PRKX: variants seen among roughly 807,000 people sequenced by gnomAD.
The protein encoded by PRKX is cAMP-dependent protein kinase catalytic subunit PRKX.
Under a neutral mutation model 22.0 loss-of-function variants are expected in PRKX, and 12 were observed. The observed-to-expected ratio is 0.54, with a 90% CI of 0.35 to 0.88. The LOEUF (loss-of-function observed/expected upper bound fraction) is 0.88. PRKX is among the 40% of genes least tolerant of loss of function. The pLI is 0.01. For synonymous variants in PRKX, 134 were observed against 137.7 expected (o/e 0.97, Z 0.19); for missense variants, 217 against 308.0 (o/e 0.70, Z 2.21).
At chrX:3,638,431 C>G (rs751825381) in intron 4 of PRKX, among the ~76,000 whole-genome samples, 43 of 111,745 alleles carry the variant, frequency 3.8e-4, no homozygotes, top group Admixed American at 1.3e-3. Flanking sequence ...AACCATTAGA[C>G]TACAGGATAC....
chrX:3,670,632 G>A (rs1249884998), intron 2 of PRKX, among the ~76,000 whole-genome samples: 1 of 110,032 alleles, frequency 9.1e-6, no homozygotes, highest in African/African-American at 3.3e-5. Flanking sequence ...TGCAATCTCC[G>A]CCTCCCAGGA....
chrX:3,709,136 A>C (rs1263625193), intron 1 of PRKX, among the ~76,000 whole-genome samples: 2 of 98,746 alleles, frequency 2.0e-5, no homozygotes, highest in Non-Finnish European at 4.0e-5. Flanking sequence ...GTGAGCCGAG[A>C]TCGCACCACT....
intron 2 of PRKX, 130 bp downstream of exon 2, chrX:3,674,468 C>T (rs1160289683): frequency 1.6e-6 from 1 of 622,314 alleles, no homozygotes; most frequent in Non-Finnish European, 2.5e-6. Context: ...TAAGACCTGA[C>T]AGGTGGAGAC....
intron 2 of PRKX, among the ~76,000 whole-genome samples, chrX:3,668,366 T>G (rs1281423799): frequency 9.0e-6 from 1 of 110,557 alleles, no homozygotes; most frequent in Non-Finnish European, 1.9e-5. Context: ...GATTTTTGCC[T>G]TTAAAATTCA....
intron 4 of PRKX, among the ~76,000 whole-genome samples, chrX:3,632,151 A>G (rs1179498333): frequency 4.5e-5 from 5 of 112,118 alleles, no homozygotes; most frequent in South Asian, 7.5e-4. Flanking sequence ...GCCCTAACAC[A>G]GCATTTCTTC....
chrX:3,712,742 G>A (rs1437940943), intron 1 of PRKX, among the ~76,000 whole-genome samples: 2 of 112,784 alleles, frequency 1.8e-5, no homozygotes, highest in African/African-American at 6.4e-5. Context: ...GGAGCACGAG[G>A]TCCCCCAGGC....
intron 4 of PRKX, among the ~76,000 whole-genome samples, chrX:3,632,427 G>C (rs749343223): frequency 9.0e-6 from 1 of 111,180 alleles, no homozygotes; most frequent in South Asian, 3.8e-4. Context: ...AGTTGGGGGA[G>C]TTGTATTCCT....
chrX:3,630,614 TG>T (rs1337666097), intron 4 of PRKX, among the ~76,000 whole-genome samples: 3 of 111,635 alleles, frequency 2.7e-5, no homozygotes, highest in Non-Finnish European at 3.8e-5. Flanking sequence ...TCCGCATGGC[TG>T]GGGAGGCCTC....
intron 4 of PRKX, among the ~76,000 whole-genome samples, chrX:3,638,852 T>C (rs1178220280): frequency 9.4e-6 from 1 of 106,004 alleles, no homozygotes; most frequent in Non-Finnish European, 1.9e-5. Flanking sequence ...AGATGATAAA[T>C]AGATGGATAG....
chrX:3,694,161 T>C (rs7892046), intron 1 of PRKX, among the ~76,000 whole-genome samples: 45,295 of 106,464 alleles, frequency 0.43, 7,847 homozygotes, highest in African/African-American at 0.59. Context: ...CCAAGGCGGG[T>C]GGATCACCTG....
chrX:3,617,546 G>A (rs1171449074), intron 6 of PRKX, among the ~76,000 whole-genome samples: 1 of 110,560 alleles, frequency 9.0e-6, no homozygotes, highest in Non-Finnish European at 1.9e-5. Context: ...CTCGGGAGGC[G>A]GAGGTGGGAG....
At chrX:3,646,153 G>A (rs191531153) in intron 3 of PRKX, among the ~76,000 whole-genome samples, 2 of 110,424 alleles carry the variant, frequency 1.8e-5, no homozygotes, top group Admixed American at 9.7e-5. Context: ...TCAGCTGGGC[G>A]CGGTGGCAGG....
At chrX:3,634,756 C>A (rs1335579470) in intron 4 of PRKX, among the ~76,000 whole-genome samples, 2 of 111,875 alleles carry the variant, frequency 1.8e-5, no homozygotes, top group African/African-American at 6.5e-5. Flanking sequence ...AGTGACGAGA[C>A]CACAGCTCAC....
intron 2 of PRKX, among the ~76,000 whole-genome samples, chrX:3,673,958 G>A (rs188503058): frequency 1.6e-4 from 18 of 111,233 alleles, no homozygotes; most frequent in South Asian, 1.6e-3. Flanking sequence ...GCGGGTCCTC[G>A]CCAGACACTG....
intron 6 of PRKX, among the ~76,000 whole-genome samples, chrX:3,620,074 G>A (rs954335819): frequency 1.8e-5 from 2 of 111,651 alleles, no homozygotes; most frequent in African/African-American, 6.5e-5. Flanking sequence ...AAAGTTTGTG[G>A]AAATCATACC....
At chrX:3,667,614 A>G (rs1569055562) in intron 2 of PRKX, 1 of 108,900 alleles carries the variant, frequency 9.2e-6, no homozygotes, top group East Asian at 2.9e-4. Context: ...ATTGGAATGC[A>G]CTCTCTCTCC....
Position 3,606,451 on chromosome X carries a change from TTACTG to T in PRKX, c.*2513_*2517del, listed in dbSNP as rs1403374070. 2 of 111,876 alleles carry T rather than the reference TTACTG, an allele frequency of 1.8e-5. No homozygotes were observed. The highest frequency in any genetic ancestry group is 6.5e-5 in the African/African-American group (2 of 30,755). 9.2% of individuals were successfully genotyped at this position (111,876 alleles called of 1,213,427 possible). ...TGGAGTGCAGTGGCACGATCTCGGC[TTACTG>T]CAGCCTCTGCCTCCCGGGTTCAAGC... On this transcript the variant is annotated 3_prime_UTR_variant, in exon 9 of 9. Coordinates refer to ENST00000262848, the MANE Select transcript of PRKX (RefSeq NM_005044.5).
At position 3,664,019 on chromosome X, in the gene PRKX, G is replaced by A. The variant is rs748740889; in HGVS notation, c.336-8607C>T. Among the ~76,000 whole-genome samples, 4 of 111,730 alleles carry A rather than the reference G, an allele frequency of 3.6e-5. No individual in the cohort carries two copies. The East Asian group carries it at 1.1e-3, about 32-fold the overall frequency. On this transcript the variant is annotated intron_variant, in intron 2 of 8. Transcript: ENST00000262848. ...TTCCCACTGTGGGGTCCAAGGAAAC[G>A]TCACCAGGAAGTACATGCCCACAGG...
intron 2 of PRKX, among the ~76,000 whole-genome samples, chrX:3,665,169 C>T (rs142082714): frequency 1.9e-3 from 212 of 111,310 alleles, no homozygotes; most frequent in African/African-American, 6.3e-3. Flanking sequence ...TGTGTGTGTG[C>T]GTGCTTGTGT....
Sources: allele counts gnomAD v4.1 joint callset (sites outside exome capture counted in the v4.1 genomes callset), GRCh38; gene constraint gnomAD v4.1.1; transcripts MANE v1.5; gene names NCBI Gene and HGNC (gene_info 2026-07-23, HGNC 2026-07-21).